Variants in PTPRD observed in about 807,000 individuals in gnomAD.
PTPRD encodes the protein protein tyrosine phosphatase receptor type D, also known as receptor-type tyrosine-protein phosphatase delta.
PTPRD carries 34 observed loss-of-function variants against 214.5 expected under a neutral mutation model. The observed-to-expected ratio is 0.16, with a 90% CI of 0.12 to 0.21. The LOEUF is 0.21. PTPRD is among the 10% of genes least tolerant of loss of function. The pLI, the probability that PTPRD is intolerant of heterozygous loss-of-function variation, is 1.00. For missense variants in PTPRD, 2,545 were observed against 2,398.7 expected, an observed-to-expected ratio of 1.06 and a Z score of -1.27; for synonymous variants, 1,128 against 845.7, an observed-to-expected ratio of 1.33 and a Z score of -5.79.
intron 4 of PTPRD, among the ~76,000 whole-genome samples, chr9:10,006,715 G>A (rs1166773784): frequency 6.6e-6 from 1 of 151,864 alleles, no homozygotes; most frequent in African/African-American, 2.4e-5. Context: ...TTTCTTCTAT[G>A]TTTCTTACCA....
At chr9:9,880,082 G>T (rs930005023) in intron 5 of PTPRD, among the ~76,000 whole-genome samples, 2 of 152,154 alleles carry the variant, frequency 1.3e-5, no homozygotes, top group Non-Finnish European at 2.9e-5. Context: ...AGGGAGGGAG[G>T]TGATTGGATC....
At chr9:8,504,427 G>C in intron 22 of PTPRD, 22 bp from the exon 23 acceptor site, 1 of 1,613,612 alleles carries the variant, frequency 6.2e-7, no homozygotes, top group Non-Finnish European at 8.5e-7. Context: ...AAGAGAATGT[G>C]GTCATCTTCA....
chr9:9,673,297 G>C (rs1316282924), intron 7 of PTPRD, among the ~76,000 whole-genome samples: 1 of 151,938 alleles, frequency 6.6e-6, no homozygotes, highest in Admixed American at 6.6e-5. Context: ...GACCATGTCT[G>C]TTTCATTCAC....
intron 12 of PTPRD, among the ~76,000 whole-genome samples, chr9:8,731,347 GCTA>G (rs2098656714): frequency 6.6e-6 from 1 of 152,134 alleles, no homozygotes; most frequent in Non-Finnish European, 1.5e-5. Flanking sequence ...ACTCTGACAA[GCTA>G]CTATTAATAA....
At chr9:10,133,110 G>C (rs1443270460) in intron 3 of PTPRD, among the ~76,000 whole-genome samples, 1 of 152,124 alleles carries the variant, frequency 6.6e-6, no homozygotes, top group Admixed American at 6.5e-5. Flanking sequence ...CAGCCAACGA[G>C]GACATTCACT....
intron 3 of PTPRD, among the ~76,000 whole-genome samples, chr9:10,059,728 T>C (rs936667762): frequency 1.3e-5 from 2 of 151,718 alleles, no homozygotes; most frequent in African/African-American, 4.8e-5. Context: ...TTTGTAAGCG[T>C]CATAAACATA....
intron 12 of PTPRD, among the ~76,000 whole-genome samples, chr9:8,701,208 A>G (rs530814977): frequency 7.2e-5 from 11 of 152,118 alleles, no homozygotes; most frequent in African/African-American, 2.2e-4. Flanking sequence ...ATTCAGGGGG[A>G]AAAAAAATAA....
At chr9:8,458,048 T>C (rs2096266620) in intron 33 of PTPRD, among the ~76,000 whole-genome samples, 1 of 152,160 alleles carries the variant, frequency 6.6e-6, no homozygotes, top group Non-Finnish European at 1.5e-5. Flanking sequence ...AGCATTTCTA[T>C]TTCAGAAATG....
chr9:8,775,617 C>T (rs1373461838), intron 11 of PTPRD, among the ~76,000 whole-genome samples: 1 of 152,144 alleles, frequency 6.6e-6, no homozygotes, highest in African/African-American at 2.4e-5. Flanking sequence ...TCAAGGGGTA[C>T]ATACACAGGT....
chr9:9,181,661 T>G (rs966387586), intron 10 of PTPRD, among the ~76,000 whole-genome samples: 4 of 151,994 alleles, frequency 2.6e-5, no homozygotes, highest in African/African-American at 9.7e-5. Context: ...ACAGTTTACT[T>G]AATATCAAAT....
At chr9:10,174,087 T>A (rs570973144) in intron 3 of PTPRD, among the ~76,000 whole-genome samples, 1 of 152,286 alleles carries the variant, frequency 6.6e-6, no homozygotes, top group Non-Finnish European at 1.5e-5. Context: ...TTAAGACAAT[T>A]TGCCTAATGT....
chr9:9,194,615 T>C (rs2099937175), intron 9 of PTPRD, among the ~76,000 whole-genome samples: 1 of 152,098 alleles, frequency 6.6e-6, no homozygotes, highest in African/African-American at 2.4e-5. Context: ...ACTGTATTGC[T>C]CTATCAAGTA....
chr9:8,717,076 T>C (rs117120955), intron 12 of PTPRD, among the ~76,000 whole-genome samples: 1 of 152,276 alleles, frequency 6.6e-6, no homozygotes, highest in East Asian at 1.9e-4. Flanking sequence ...GCTGATGTCC[T>C]TGAGCCCAGA....
At chr9:9,528,695 G>A (rs2074731985) in intron 8 of PTPRD, among the ~76,000 whole-genome samples, 1 of 151,750 alleles carries the variant, frequency 6.6e-6, no homozygotes, top group Non-Finnish European at 1.5e-5. Flanking sequence ...GTGACAAAGA[G>A]AAAATATTGA....
chr9:10,504,869 G>T (rs1178531017), intron 2 of PTPRD, among the ~76,000 whole-genome samples: 1 of 152,074 alleles, frequency 6.6e-6, no homozygotes, highest in Admixed American at 6.5e-5. Flanking sequence ...ATTATATTAG[G>T]AGATGGATGT....
chr9:9,395,937 T>C (rs1361895322), intron 9 of PTPRD, among the ~76,000 whole-genome samples: 2 of 152,214 alleles, frequency 1.3e-5, no homozygotes, highest in African/African-American at 2.4e-5. Flanking sequence ...TGCCTTTGAA[T>C]AGATTGCAGT....
chr9:10,141,795 T>C (rs1302041573), intron 3 of PTPRD, among the ~76,000 whole-genome samples: 3 of 152,000 alleles, frequency 2.0e-5, no homozygotes, highest in African/African-American at 7.3e-5. Flanking sequence ...CATTGCCAAG[T>C]CAATCCTAAG....
intron 11 of PTPRD, among the ~76,000 whole-genome samples, chr9:8,823,292 A>G (rs2097108678): frequency 6.6e-6 from 1 of 152,014 alleles, no homozygotes; most frequent in African/African-American, 2.4e-5. Flanking sequence ...CTTCCCACAA[A>G]GCTTTAATTG....
At chr9:10,169,473 C>CAAAAAAAAAAAAAA (rs59335943) in intron 3 of PTPRD, among the ~76,000 whole-genome samples, 10 of 66,842 alleles carry the variant, frequency 1.5e-4, no homozygotes, top group African/African-American at 5.7e-4. Context: ...GACTCTGTCT[C>CAAAAAAAAAAAAAA]AAAAAAAAAA....
Sources: gnomAD v4.1 joint callset for allele counts (sites outside exome capture counted in the v4.1 genomes callset) on GRCh38, gnomAD v4.1.1 for gene constraint, MANE v1.5 for transcripts, NCBI Gene and HGNC (gene_info 2026-07-23, HGNC 2026-07-21) for gene names.